The following NFIB variants were observed in gnomAD, a reference collection of about 807,000 sequenced individuals.
NFIB encodes the protein nuclear factor 1 B-type.
NFIB carries 11 observed loss-of-function variants against 61.5 expected under a neutral mutation model. The ratio of observed to expected loss-of-function variants is 0.18; its 90% CI spans 0.11 to 0.30. NFIB has a LOEUF of 0.30. Ranked by LOEUF, NFIB falls within the 10% of genes least tolerant of loss-of-function variation. The pLI is 1.00. For missense variants in NFIB, 471 were observed against 608.9 expected (o/e 0.77, Z 2.38); for synonymous variants, 260 against 216.5 (o/e 1.20, Z -1.76).
chr9:14,404,692 A>G, the NFIB span, among the ~76,000 whole-genome samples: 1 of 152,152 alleles, frequency 6.6e-6, no homozygotes, highest in African/African-American at 2.4e-5. Context: ...CCTAAACTCT[A>G]CAAATCTGCT....
chr9:14,244,755 T>C (rs1258574894), intron 2 of NFIB, among the ~76,000 whole-genome samples: 1 of 152,146 alleles, frequency 6.6e-6, no homozygotes, highest in Admixed American at 6.5e-5. Flanking sequence ...GAAAAAACAT[T>C]GAGCAAAATG....
intron 6 of NFIB, among the ~76,000 whole-genome samples, chr9:14,134,482 G>C (rs975171112): frequency 1.3e-5 from 2 of 152,104 alleles, no homozygotes; most frequent in Non-Finnish European, 2.9e-5. Context: ...ATGCAGTGAT[G>C]TTCACTGTAT....
the NFIB span, among the ~76,000 whole-genome samples, chr9:14,505,385 G>T: frequency 0.02 from 3,004 of 152,242 alleles, 98 homozygotes; most frequent in African/African-American, 0.067. Flanking sequence ...AACTTAGGGA[G>T]GATTCCCTAG....
At chr9:14,427,269 T>A in the NFIB span, among the ~76,000 whole-genome samples, 1 of 152,306 alleles carries the variant, frequency 6.6e-6, no homozygotes, top group South Asian at 2.1e-4. Context: ...ATAATGGTAA[T>A]AATAGTAATA....
intron 2 of NFIB, among the ~76,000 whole-genome samples, chr9:14,304,974 A>T (rs10810130): frequency 0.69 from 105,500 of 152,150 alleles, 42,316 homozygotes; most frequent in East Asian, 0.89. Context: ...AGCAGAGGAT[A>T]CAAGTTATAT....
chr9:14,489,204 G>C, the NFIB span, among the ~76,000 whole-genome samples: 1 of 152,126 alleles, frequency 6.6e-6, no homozygotes, highest in Non-Finnish European at 1.5e-5. Context: ...TTACTGAAAA[G>C]GGTTATAAGC....
the NFIB span, among the ~76,000 whole-genome samples, chr9:14,455,542 G>C: frequency 2.6e-5 from 4 of 152,128 alleles, no homozygotes; most frequent in Admixed American, 2.6e-4. Context: ...AACAAAACTT[G>C]TGGATTAGGG....
At chr9:14,124,480 T>C (rs995837219) in intron 7 of NFIB, among the ~76,000 whole-genome samples, 1 of 152,198 alleles carries the variant, frequency 6.6e-6, no homozygotes, top group Non-Finnish European at 1.5e-5. Flanking sequence ...TATCAACATA[T>C]ACTTACAAAC....
chr9:14,196,098 T>G (rs546247996), intron 2 of NFIB, among the ~76,000 whole-genome samples: 1 of 152,104 alleles, frequency 6.6e-6, no homozygotes, highest in Non-Finnish European at 1.5e-5. Flanking sequence ...ATGTTCACGC[T>G]GGTTGAACTT....
intron 1 of NFIB, among the ~76,000 whole-genome samples, chr9:14,368,984 A>G (rs1032200019): frequency 1.3e-5 from 2 of 152,224 alleles, no homozygotes; most frequent in Admixed American, 6.5e-5. Flanking sequence ...TGGCACATAT[A>G]GTAAGTGACA....
chr9:14,504,104 C>T, the NFIB span, among the ~76,000 whole-genome samples: 12 of 152,136 alleles, frequency 7.9e-5, no homozygotes, highest in African/African-American at 2.9e-4. Flanking sequence ...TTTTTGTTTG[C>T]TTTGTCAAAG....
the NFIB span, among the ~76,000 whole-genome samples, chr9:14,467,993 T>A: frequency 1.3e-5 from 2 of 152,256 alleles, no homozygotes; most frequent in Admixed American, 1.3e-4. Context: ...CCTGTGGAGA[T>A]GTCACTTTAC....
chr9:14,107,012 A>T (rs1337687983), intron 10 of NFIB, among the ~76,000 whole-genome samples: 5 of 152,034 alleles, frequency 3.3e-5, no homozygotes. Flanking sequence ...CCTCAGGAGA[A>T]CATCTTGAAA....
rs190931152 is a variant in NFIB at position 14,388,479 on chromosome 9, G to C, written c.108+10045C>G. On this transcript the variant is annotated intron_variant, in intron 1 of 8. Transcript: ENST00000380934. Reference sequence around the variant, plus strand: ...AGAGAGAAAGAAAAAGAGAGAGAGAGAGAGAAAGAGAGAGAGAGAGAAAGT... The same window carrying C: ...AGAGAGAAAGAAAAAGAGAGAGAGACAGAGAAAGAGAGAGAGAGAGAAAGT... Among the ~76,000 whole-genome samples the C allele has an allele frequency of 2.2e-3, 329 of 149,684 alleles. 1 individual carries two copies. The highest frequency in any genetic ancestry group is 7.7e-3 in the African/African-American group (305 of 39,778).
the NFIB span, among the ~76,000 whole-genome samples, chr9:14,431,361 T>TA: frequency 5.1e-3 from 776 of 151,642 alleles, 4 homozygotes; most frequent in African/African-American, 0.018. Context: ...TCACATTTTT[T>TA]AAAAAAAAAC....
At chr9:14,491,833 G>T in the NFIB span, among the ~76,000 whole-genome samples, 1 of 152,142 alleles carries the variant, frequency 6.6e-6, no homozygotes, top group South Asian at 2.1e-4. Flanking sequence ...CATAAAGGAG[G>T]CCCAAAATAT....
At chr9:14,257,772 G>T (rs373311759) in intron 2 of NFIB, among the ~76,000 whole-genome samples, 1 of 151,946 alleles carries the variant, frequency 6.6e-6, no homozygotes, top group Non-Finnish European at 1.5e-5. Flanking sequence ...GAAAAAAAAC[G>T]AAAGAAAGAA....
chr9:14,346,290 A>AACCCCCCCCCCCCCCCCC (rs2061019183), intron 1 of NFIB, among the ~76,000 whole-genome samples: 1 of 88,392 alleles, frequency 1.1e-5, no homozygotes, highest in Non-Finnish European at 2.6e-5. Flanking sequence ...GGTAACCGAC[A>AACCCCCCCCCCCCCCCCC]CCCCCCCCCC....
intron 1 of NFIB, among the ~76,000 whole-genome samples, chr9:14,351,251 C>T (rs1477074387): frequency 6.6e-6 from 1 of 152,124 alleles, no homozygotes; most frequent in African/African-American, 2.4e-5. Context: ...GTGCTTTAGC[C>T]CAATTCTCTT....
Sources: allele counts gnomAD v4.1 joint callset (sites outside exome capture counted in the v4.1 genomes callset), GRCh38; gene constraint gnomAD v4.1.1; transcripts MANE v1.5; gene names NCBI Gene and HGNC (gene_info 2026-07-23, HGNC 2026-07-21).